The following PTPRD variants were observed in gnomAD, a reference collection of about 807,000 sequenced individuals.
The protein encoded by PTPRD is receptor-type tyrosine-protein phosphatase delta.
A neutral mutation model predicts 214.5 loss-of-function variants in PTPRD; 34 were observed. The observed-to-expected ratio is 0.16, with a 90% CI of 0.12 to 0.21. The LOEUF (loss-of-function observed/expected upper bound fraction) is 0.21. Ranked by LOEUF, PTPRD falls within the 10% of genes least tolerant of loss-of-function variation. PTPRD has a pLI of 1.00. For synonymous variants in PTPRD, 1,128 were observed against 845.7 expected (o/e 1.33, Z -5.79); for missense variants, 2,545 against 2,398.7 (o/e 1.06, Z -1.27).
intron 2 of PTPRD, among the ~76,000 whole-genome samples, chr9:10,347,571 C>T (rs188243829): frequency 1.3e-5 from 2 of 151,770 alleles, no homozygotes; most frequent in East Asian, 2.0e-4. Flanking sequence ...CCACTACACC[C>T]GGCTAATTTT....
intron 4 of PTPRD, among the ~76,000 whole-genome samples, chr9:9,939,308 T>G (rs2090679235): frequency 6.6e-6 from 1 of 152,146 alleles, no homozygotes; most frequent in South Asian, 2.1e-4. Flanking sequence ...CCTTTAGTAT[T>G]TTAGCCTTGC....
At chr9:9,083,499 G>A (rs1341664305) in intron 10 of PTPRD, among the ~76,000 whole-genome samples, 2 of 151,906 alleles carry the variant, frequency 1.3e-5, no homozygotes, top group Non-Finnish European at 2.9e-5. Context: ...ATGGGCTAAG[G>A]CTTCATGACT....
At chr9:8,569,074 C>G (rs1051885144) in intron 14 of PTPRD, among the ~76,000 whole-genome samples, 1 of 152,048 alleles carries the variant, frequency 6.6e-6, no homozygotes, top group South Asian at 2.1e-4. Flanking sequence ...TTCCTTCCTA[C>G]CTCCAGAGGC....
At chr9:8,769,234 T>A (rs890661721) in intron 11 of PTPRD, among the ~76,000 whole-genome samples, 1 of 152,254 alleles carries the variant, frequency 6.6e-6, no homozygotes, top group African/African-American at 2.4e-5. Flanking sequence ...TAGTATTTGT[T>A]TGAGTTCATT....
chr9:8,994,097 G>T (rs1405314337), intron 11 of PTPRD, among the ~76,000 whole-genome samples: 2 of 152,126 alleles, frequency 1.3e-5, no homozygotes, highest in Non-Finnish European at 2.9e-5. Context: ...GAAAGATGCT[G>T]AGTAGAACTA....
At chr9:8,381,322 G>A (rs2085014930) in intron 37 of PTPRD, among the ~76,000 whole-genome samples, 1 of 152,126 alleles carries the variant, frequency 6.6e-6, no homozygotes, top group African/African-American at 2.4e-5. Flanking sequence ...TAATTTTAGT[G>A]GGCAGAAAAA....
At chr9:9,442,060 G>C (rs1428116292) in intron 8 of PTPRD, 2 of 152,352 alleles carry the variant, frequency 1.3e-5, no homozygotes, top group Non-Finnish European at 2.9e-5. Context: ...TCTGTAATGC[G>C]CCGGGCGCGG....
At chr9:8,746,780 G>A (rs752263258) in intron 11 of PTPRD, among the ~76,000 whole-genome samples, 1 of 152,084 alleles carries the variant, frequency 6.6e-6, no homozygotes, top group East Asian at 1.9e-4. Context: ...GATCACTTGA[G>A]GTCAAGAGTT....
chr9:9,486,186 G>A (rs1489377602), intron 8 of PTPRD, among the ~76,000 whole-genome samples: 3,567 of 26,382 alleles, frequency 0.14, no homozygotes, highest in East Asian at 0.29. Context: ...AAAAAAAAAA[G>A]CCTTCCCTTG....
chr9:9,240,632 T>C (rs910589313), intron 9 of PTPRD, among the ~76,000 whole-genome samples: 1 of 152,052 alleles, frequency 6.6e-6, no homozygotes, highest in Non-Finnish European at 1.5e-5. Flanking sequence ...TTAGGCTTAT[T>C]TGATATATTA....
chr9:9,197,474 A>C (rs1394625514), intron 9 of PTPRD, among the ~76,000 whole-genome samples: 2 of 137,006 alleles, frequency 1.5e-5, no homozygotes, highest in East Asian at 4.4e-4. Context: ...GCAATAGCGC[A>C]ATCTTTGCTC....
At chr9:9,213,014 T>G (rs1013111987) in intron 9 of PTPRD, among the ~76,000 whole-genome samples, 1 of 152,124 alleles carries the variant, frequency 6.6e-6, no homozygotes, top group African/African-American at 2.4e-5. Context: ...TTAGGTCAGG[T>G]TAAGAGTAAG....
At chr9:10,420,549 A>G (rs1358235479) in intron 2 of PTPRD, among the ~76,000 whole-genome samples, 1 of 151,470 alleles carries the variant, frequency 6.6e-6, no homozygotes, top group Non-Finnish European at 1.5e-5. Context: ...TTTAAGGTAC[A>G]AACGACGGGG....
intron 2 of PTPRD, among the ~76,000 whole-genome samples, chr9:10,609,903 C>T (rs576962516): frequency 5.9e-5 from 9 of 151,966 alleles, no homozygotes; most frequent in African/African-American, 2.2e-4. Context: ...AAAAGAAAAA[C>T]ATGTTTGCCT....
chr9:9,337,523 T>C (rs2045032534), intron 9 of PTPRD, among the ~76,000 whole-genome samples: 1 of 152,212 alleles, frequency 6.6e-6, no homozygotes. Context: ...GTTTCTCACT[T>C]TAAATTAATA....
chr9:8,811,906 TG>T (rs2096814751), intron 11 of PTPRD, among the ~76,000 whole-genome samples: 1 of 152,148 alleles, frequency 6.6e-6, no homozygotes, highest in Non-Finnish European at 1.5e-5. Context: ...GACATCCACT[TG>T]GGTGGGGACT....
chr9:9,623,991 A>T (rs954670813), intron 7 of PTPRD, among the ~76,000 whole-genome samples: 1 of 152,192 alleles, frequency 6.6e-6, no homozygotes, highest in South Asian at 2.1e-4. Flanking sequence ...TGGAAACTCA[A>T]AAACAAAAGC....
intron 8 of PTPRD, among the ~76,000 whole-genome samples, chr9:9,437,042 A>G (rs930649426): frequency 6.6e-6 from 1 of 152,196 alleles, no homozygotes; most frequent in African/African-American, 2.4e-5. Context: ...CCTTCATTGG[A>G]AAATATCGTC....
At chr9:8,599,711 G>A (rs1319734232) in intron 14 of PTPRD, among the ~76,000 whole-genome samples, 1 of 149,510 alleles carries the variant, frequency 6.7e-6, no homozygotes, top group African/African-American at 2.5e-5. Context: ...CCGCCTCCTG[G>A]GTTGAAGCGA....
Sources: gnomAD v4.1 joint callset for allele counts (sites outside exome capture counted in the v4.1 genomes callset) on GRCh38, gnomAD v4.1.1 for gene constraint, MANE v1.5 for transcripts, NCBI Gene and HGNC (gene_info 2026-07-23, HGNC 2026-07-21) for gene names.